Variants in SLFNL1 observed in about 807,000 individuals in gnomAD.
The protein encoded by SLFNL1 is schlafen like 1, also known as schlafen-like protein 1.
SLFNL1 carries 26 observed loss-of-function variants against 32.5 expected under a neutral mutation model. The observed-to-expected ratio is 0.80, with a 90% CI of 0.59 to 1.11. The LOEUF (loss-of-function observed/expected upper bound fraction) is 1.11. SLFNL1 is among the 50% of genes least tolerant of loss of function. SLFNL1 has a pLI of 0.00. For missense variants in SLFNL1, 553 were observed against 546.5 expected, an observed-to-expected ratio of 1.01 and a Z score of -0.12; for synonymous variants, 255 against 242.2, an observed-to-expected ratio of 1.05 and a Z score of -0.49.
chr1:41,017,294 C>G lies in SLFNL1; in HGVS notation c.1041G>C (p.Arg347=), dbSNP rs755202534. Reference sequence around the variant, plus strand: ...GCGGGCCCTGGATGCTCCCGTCGCGCCGCAGAAACACCTCCCCCTGGTCTG... The same window carrying G: ...GCGGGCCCTGGATGCTCCCGTCGCGGCGCAGAAACACCTCCCCCTGGTCTG... ...YQTDQGEVFL[R]RDGSIQGPLS... Residue 347 remains arginine, a synonymous_variant, in exon 5 of 6, where the codon CGG becomes CGC. Coordinates refer to ENST00000302946, the MANE Select transcript of SLFNL1 (RefSeq NM_144990.4). The surrounding 1 kb of genome is among the most constrained non-coding windows in gnomAD (Gnocchi z 4.9). 4.3e-6 allele frequency: 7 copies of G among 1,612,622 alleles called. No individual in the cohort carries two copies. In the Admixed American group the frequency reaches 1.2e-4, roughly 27 times the overall value.
chr1:41,017,249 C>A lies in SLFNL1; in HGVS notation c.1086G>T (p.Gln362His). 6.3e-7 allele frequency: 1 copy of A among 1,586,310 alleles called. No individual in the cohort carries two copies. Among genetic ancestry groups the A allele is most frequent in the East Asian group, 2.3e-5 (1 of 43,460 alleles). ...IQGPLSASAIQEWCRQRWLVE... is the reference protein window; with the variant it reads ...IQGPLSASAIHEWCRQRWLVE... The stretch of plus-strand genomic sequence containing the variant: ...GCTTCCGTACCTGCCTGCACCACTC[C>A]TGGATGGCGCTGGCAGACAGCGGGC... Residue 362 changes from glutamine to histidine, a missense_variant, in exon 5 of 6, where the codon CAG (glutamine) becomes CAT (histidine). Gln to His is a conservative substitution (Grantham distance 24). Transcript: ENST00000302946. This position sits in a 1 kb window ranked among gnomAD's most constrained non-coding sequence, Gnocchi z 4.9.
chr1:41,020,184 G>T, intron 3 of SLFNL1, 42 bp downstream of exon 3: 1 of 1,540,638 alleles, frequency 6.5e-7, no homozygotes, highest in Non-Finnish European at 8.8e-7. Context: ...GCTCTCCCTT[G>T]GGGTGAGGCT....
Position 41,020,291 on chromosome 1 carries a change from CCTT to C in SLFNL1, c.367_369del (p.Lys123del). ...AGGTCCTTCCCACGGGCTGCCAGCT[CCTT>C]GAGGATTAGGTGCTCCTCCAGGGCC... is the stretch of plus-strand genomic sequence containing the variant. On this transcript the variant is annotated inframe_deletion, in exon 3 of 6. Transcript: ENST00000302946. The C allele has an allele frequency of 6.2e-7, 1 of 1,613,424 alleles. No individual in the cohort carries two copies. Among genetic ancestry groups the C allele is most frequent in the South Asian group, 1.1e-5 (1 of 91,054 alleles).
chr1:41,018,053 G>C lies in SLFNL1; in HGVS notation c.539C>G (p.Pro180Arg), dbSNP rs750550948. 6.3e-7 allele frequency: 1 copy of C among 1,588,522 alleles called. No homozygotes were observed. Among genetic ancestry groups the C allele is most frequent in the Non-Finnish European group, 8.6e-7 (1 of 1,167,878 alleles). The change falls in exon 4 of 6, where the codon CCC (proline) becomes CGC (arginine). Residue 180 changes from proline (P) to arginine (R), a missense_variant. Physicochemically the swap from Pro to Arg is moderately radical, Grantham distance 103. Coordinates refer to ENST00000302946, the MANE Select transcript of SLFNL1 (RefSeq NM_144990.4). ...TWPTHTLPDRPQAQQLQSCQG... is the reference protein window; with the variant it reads ...TWPTHTLPDRRQAQQLQSCQG... Reference sequence around the variant, plus strand: ...GCAGCTCTGCAGCTGCTGGGCCTGGGGCCTATCAGGCAGCGTGTGTGTAGG... The same window carrying C: ...GCAGCTCTGCAGCTGCTGGGCCTGGCGCCTATCAGGCAGCGTGTGTGTAGG...
At position 41,017,542 on chromosome 1, in the gene SLFNL1, T is replaced by G. The variant is rs554063327; in HGVS notation, c.957+93A>C. ...CTCCTGTGGCCCCCAGTCCCGTCCC[T>G]GCCCCAGCACTGCCTGGCAGGAGTG... On this transcript the variant is annotated intron_variant, in intron 4 of 5. Transcript: ENST00000302946. The surrounding 1 kb of genome is among the most constrained non-coding windows in gnomAD (Gnocchi z 4.9). The G allele has an allele frequency of 1.1e-4, 160 of 1,496,450 alleles. No individual in the cohort carries two copies. The African/African-American group carries it at 2.1e-3, about 19-fold the overall frequency. The allele number at this position is 1,496,450 out of a possible 1,614,324, so 92.7% of individuals were successfully genotyped here. A position where few individuals can be genotyped will look rare whatever the true frequency, so the allele number is the denominator to read the frequency against.
chr1:41,016,124 G>A lies in SLFNL1; in HGVS notation c.1206C>T (p.Cys402=), dbSNP rs768733429. 7.4e-6 allele frequency: 12 copies of A among 1,614,026 alleles called. No individual in the cohort carries two copies. The highest frequency in any genetic ancestry group is 1.7e-5 in the Admixed American group (1 of 60,004). ...AGGGCCCTCACAGGACACAGCAGGTGCAGGACACAGGCCCGTGCTGCTGCA... is the reference window on the plus strand; with the variant it reads ...AGGGCCCTCACAGGACACAGCAGGTACAGGACACAGGCCCGTGCTGCTGCA... ...QQLQQHGPVS[C]TCCVL is the part of the protein sequence containing the mutation. Residue 402 remains cysteine (C), a synonymous_variant, in exon 6 of 6, where the codon TGC becomes TGT. Transcript: ENST00000302946.
Position 41,020,761 on chromosome 1 carries a change from CAG to C in SLFNL1, c.-103_-102del, listed in dbSNP as rs955953570. The C allele has an allele frequency of 2.0e-5, 22 of 1,105,580 alleles. No homozygotes were observed. Among genetic ancestry groups the C allele is most frequent in the African/African-American group, 7.8e-5 (5 of 63,986 alleles). The allele number at this position is 1,105,580 out of a possible 1,614,324, so 68.5% of individuals were successfully genotyped here. A position where few individuals can be genotyped will look rare whatever the true frequency, so the allele number is the denominator to read the frequency against. On this transcript the variant is annotated 5_prime_UTR_variant, in exon 3 of 6. The change abolishes the stop of an existing upstream ORF in the 5' untranslated region. Transcript: ENST00000302946. The stretch of plus-strand genomic sequence containing the variant: ...GTGGCTTAAGGGCTCCCAGAGGACT[CAG>C]GGAGTGTCCCGGCTCCTGGGAGGTA...
intron 5 of SLFNL1, 101 bp from the exon 6 acceptor site, chr1:41,016,329 A>G: frequency 2.7e-6 from 4 of 1,503,528 alleles, no homozygotes; most frequent in Non-Finnish European, 3.6e-6. Context: ...AAAGCCCAGG[A>G]GCCTGAGAGC....
rs1183913754 is a variant in SLFNL1, at chr1:41,015,846, G to T, written c.*260C>A. 2.4e-5 allele frequency: 9 copies of T among 371,242 alleles called. No individual in the cohort carries two copies. The highest frequency in any genetic ancestry group is 3.9e-5 in the Non-Finnish European group (8 of 206,376). 23.0% of individuals were successfully genotyped at this position (371,242 alleles called of 1,614,324 possible). On this transcript the variant is annotated 3_prime_UTR_variant, in exon 6 of 6. Transcript: ENST00000302946. The stretch of plus-strand genomic sequence containing the variant: ...AATCCCTTATAGCTTAGCCCTAGGG[G>T]AGCTCTGGGCAGGGTTTTACACATT...
In SLFNL1 at chr1:41,020,424, C is replaced by T. The variant is rs369523252; in HGVS notation, c.237G>A (p.Ala79=). 67 of 1,613,070 alleles carry T rather than the reference C, an allele frequency of 4.2e-5. No individual in the cohort carries two copies. Among genetic ancestry groups the T allele is most frequent in the Middle Eastern group, 1.6e-4 (1 of 6,062 alleles). The change falls in exon 3 of 6, where the codon GCG becomes GCA. Residue 79 remains alanine (A), a synonymous_variant. Coordinates refer to ENST00000302946, the MANE Select transcript of SLFNL1 (RefSeq NM_144990.4). The stretch of plus-strand genomic sequence containing the variant: ...GCCTCACCACTTCAATGTGCTCCCG[C>T]GCCACCGGCATCTCCAGCCGCTCCA... ...DTLERLEMPV[A]REHIEVVRRP... is the part of the protein sequence containing the mutation.
At position 41,020,708 on chromosome 1, in the gene SLFNL1, T is replaced by A; in HGVS notation, c.-48A>T. The A allele has an allele frequency of 6.4e-7, 1 of 1,556,976 alleles. No homozygotes were observed. Among genetic ancestry groups the A allele is most frequent in the Non-Finnish European group, 8.7e-7 (1 of 1,142,868 alleles). On this transcript the variant is annotated 5_prime_UTR_variant, in exon 3 of 6. Coordinates refer to ENST00000302946, the MANE Select transcript of SLFNL1 (RefSeq NM_144990.4). The stretch of plus-strand genomic sequence containing the variant: ...GGTTCCAGGATTCCTCACTGCTGGC[T>A]GCTTCTCCCAGGGTCTGTGTTCTCA...
chr1:41,018,133 G>GTCCTGCTCC lies in SLFNL1; in HGVS notation c.458_459insGGAGCAGGA (p.Glu152_Asp153insGluGluGln). The GTCCTGCTCC allele has an allele frequency of 1.3e-6, 2 of 1,501,262 alleles. No homozygotes were observed. The highest frequency in any genetic ancestry group is 1.4e-5 in the African/African-American group (1 of 71,784). The allele number at this position is 1,501,262 out of a possible 1,614,324, so 93.0% of individuals were successfully genotyped here. A position where few individuals can be genotyped will look rare whatever the true frequency, so the allele number is the denominator to read the frequency against. On this transcript the variant is annotated inframe_insertion, in exon 4 of 6. Coordinates refer to ENST00000302946, the MANE Select transcript of SLFNL1 (RefSeq NM_144990.4). ...GACTGGGGCCAGGGCTCAGGCCACT[G>GTCCTGCTCC]TCCTCCTCCTCCTCCTCCTTCTCCT...
chr1:41,016,025 TGGTTGGCCTTACACTCAAACA>T lies in SLFNL1; in HGVS notation c.*60_*80del. 6.5e-7 allele frequency: 1 copy of T among 1,529,054 alleles called. No homozygotes were observed. Among genetic ancestry groups the T allele is most frequent in the Non-Finnish European group, 8.8e-7 (1 of 1,135,066 alleles). 94.7% of individuals were successfully genotyped at this position (1,529,054 alleles called of 1,614,324 possible). ...TCTCAGCAGCCCGCATGGGCTTTAC[TGGTTGGCCTTACACTCAAACA>T]GGAAATCCCTGGGTCTCAGGTGGAG... On this transcript the variant is annotated 3_prime_UTR_variant, in exon 6 of 6. Transcript: ENST00000302946.
At chr1:41,018,891 G>A (rs891398120) in intron 3 of SLFNL1, among the ~76,000 whole-genome samples, 10 of 145,256 alleles carry the variant, frequency 6.9e-5, no homozygotes, top group Non-Finnish European at 1.5e-4. Flanking sequence ...GCTGGATGGA[G>A]TGCAGTGGCG....
rs558801329 is a variant in SLFNL1, at chr1:41,018,012, C to T, written c.580G>A (p.Gly194Ser). 3.4e-5 allele frequency: 54 copies of T among 1,603,322 alleles called. No homozygotes were observed. The South Asian group carries it at 3.5e-4, about 10-fold the overall frequency. Residue 194 changes from glycine (G) to serine (S), a missense_variant, in exon 4 of 6, where the codon GGC (glycine) becomes AGC (serine). Physicochemically the swap from Gly to Ser is moderately conservative, Grantham distance 56. Coordinates refer to ENST00000302946, the MANE Select transcript of SLFNL1 (RefSeq NM_144990.4). ...QLQSCQGRPS[G>S]VCSDSAIVHQ... ...ACAATGGCACTGTCGGAGCACACGC[C>T]GCTGGGCCGGCCCTGGCAGCTCTGC...
chr1:41,017,280 A>T lies in SLFNL1; in HGVS notation c.1055T>A (p.Ile352Asn). 1 of 1,608,646 alleles carries T rather than the reference A, an allele frequency of 6.2e-7. No individual in the cohort carries two copies. Among genetic ancestry groups the T allele is most frequent in the Non-Finnish European group, 8.5e-7 (1 of 1,178,110 alleles). ...GGCGCTGGCAGACAGCGGGCCCTGGATGCTCCCGTCGCGCCGCAGAAACAC... is the reference window on the plus strand; with the variant it reads ...GGCGCTGGCAGACAGCGGGCCCTGGTTGCTCCCGTCGCGCCGCAGAAACAC... ...GEVFLRRDGS[I>N]QGPLSASAIQ... The change falls in exon 5 of 6, where the codon ATC becomes AAC. Residue 352 changes from isoleucine (I) to asparagine (N), a missense_variant. Physicochemically the swap from Ile to Asn is moderately radical, Grantham distance 149 (BLOSUM62 -3). Coordinates refer to ENST00000302946, the MANE Select transcript of SLFNL1 (RefSeq NM_144990.4). The surrounding 1 kb of genome is among the most constrained non-coding windows in gnomAD (Gnocchi z 4.9).
chr1:41,016,006 C>G lies in SLFNL1; in HGVS notation c.*100G>C. 1 of 1,465,568 alleles carries G rather than the reference C, an allele frequency of 6.8e-7. No homozygotes were observed. The highest frequency in any genetic ancestry group is 9.1e-7 in the Non-Finnish European group (1 of 1,095,536). The allele number at this position is 1,465,568 out of a possible 1,614,324, so 90.8% of individuals were successfully genotyped here. On this transcript the variant is annotated 3_prime_UTR_variant, in exon 6 of 6. Coordinates refer to ENST00000302946, the MANE Select transcript of SLFNL1 (RefSeq NM_144990.4). Reference sequence around the variant, plus strand: ...GAAGGAGTCCCTGTCCGCCTCTCAGCAGCCCGCATGGGCTTTACTGGTTGG... The same window carrying G: ...GAAGGAGTCCCTGTCCGCCTCTCAGGAGCCCGCATGGGCTTTACTGGTTGG...
Position 41,020,725 on chromosome 1 carries a change from G to A in SLFNL1, c.-65C>T, listed in dbSNP as rs1218478351. 2.7e-6 allele frequency: 4 copies of A among 1,481,454 alleles called. No individual in the cohort carries two copies. The highest frequency in any genetic ancestry group is 3.7e-6 in the Non-Finnish European group (4 of 1,087,210). 91.8% of individuals were successfully genotyped at this position (1,481,454 alleles called of 1,614,324 possible). A position where few individuals can be genotyped will look rare whatever the true frequency, so the allele number is the denominator to read the frequency against. ...CTGCTGGCTGCTTCTCCCAGGGTCT[G>A]TGTTCTCAGTGTGGCTTAAGGGCTC... On this transcript the variant is annotated 5_prime_UTR_variant, in exon 3 of 6. Coordinates refer to ENST00000302946, the MANE Select transcript of SLFNL1 (RefSeq NM_144990.4).
chr1:41,016,251 T>C (rs772786501), intron 5 of SLFNL1, 23 bp from the exon 6 acceptor site: 5 of 1,613,224 alleles, frequency 3.1e-6, no homozygotes, highest in Middle Eastern at 1.7e-4. Context: ...GGGAAAAGCA[T>C]GTGGCCAAGC....
Sources: gnomAD v4.1 joint callset for allele counts (sites outside exome capture counted in the v4.1 genomes callset) on GRCh38, gnomAD v4.1.1 for gene constraint, Gnocchi (gnomAD v3.1) non-coding constraint, MANE v1.5 for transcripts, NCBI Gene and HGNC (gene_info 2026-07-23, HGNC 2026-07-21) for gene names.